Variants in SSX5 observed in about 807,000 individuals in gnomAD.
SSX5 encodes SSX family member 5.
Under a neutral mutation model 14.9 loss-of-function variants are expected in SSX5, and 14 were observed. The observed-to-expected ratio is 0.94, with a 90% confidence interval of 0.62 to 1.47. The LOEUF is 1.47. SSX5 is among the 40% of genes most tolerant of loss of function. The probability of loss-of-function intolerance (pLI) is 0.00; values close to 1 mark genes in which losing one functional copy is unlikely to be tolerated. For synonymous variants in SSX5, 70 were observed against 55.4 expected (o/e 1.26, Z -1.17); for missense variants, 204 against 154.6 (o/e 1.32, Z -1.70).
intron 6 of SSX5, among the ~76,000 whole-genome samples, chrX:48,189,692 G>A (rs1202844462): frequency 2.7e-5 from 3 of 111,856 alleles, no homozygotes; most frequent in South Asian, 3.7e-4. Context: ...TCACTTTATC[G>A]CAGTGGTCTG....
chrX:48,191,783 C>T (rs1310264700), intron 5 of SSX5, among the ~76,000 whole-genome samples: 2 of 112,058 alleles, frequency 1.8e-5, no homozygotes, highest in Admixed American at 9.5e-5. Context: ...TCTCTATACC[C>T]GGATAGCCTC....
intron 7 of SSX5, among the ~76,000 whole-genome samples, chrX:48,187,321 G>C (rs1556923971): frequency 9.0e-6 from 1 of 110,730 alleles, no homozygotes; most frequent in Non-Finnish European, 1.9e-5. Context: ...TTACCCGGTC[G>C]TGGTGGCGGG....
chrX:48,189,804 C>G lies in SSX5; in HGVS notation c.466+329G>C, dbSNP rs2059412771. ...GTAATCACAGATGGAATTGCTTCAG[C>G]ACCTTTCATGTCATCAGGCCTTCTA... On this transcript the variant is annotated intron_variant, in intron 6 of 7. Coordinates refer to ENST00000347757, the MANE Select transcript of SSX5 (RefSeq NM_175723.2). Among the ~76,000 whole-genome samples the G allele has an allele frequency of 4.5e-5, 5 of 112,046 alleles. No individual in the cohort carries two copies. In the Admixed American group the frequency reaches 4.8e-4, roughly 11 times the overall value.
chrX:48,189,173 C>G (rs1556924321), intron 6 of SSX5, among the ~76,000 whole-genome samples: 1 of 112,208 alleles, frequency 8.9e-6, no homozygotes, highest in African/African-American at 3.2e-5. Context: ...TCCGGAAGAT[C>G]TAGCTAAGAT....
intron 4 of SSX5, among the ~76,000 whole-genome samples, chrX:48,192,614 T>C (rs2059424569): frequency 8.9e-6 from 1 of 112,595 alleles, no homozygotes; most frequent in Non-Finnish European, 1.9e-5. Context: ...GTACAACAAC[T>C]GAAAATCATT....
intron 7 of SSX5, 101 bp downstream of exon 7, chrX:48,187,526 A>C: frequency 1.0e-6 from 1 of 998,328 alleles, no homozygotes; most frequent in Non-Finnish European, 1.4e-6. Context: ...AAATTATGAG[A>C]AGGGAATGAT....
chrX:48,187,232 G>GATC (rs2059401751), intron 7 of SSX5, among the ~76,000 whole-genome samples: 1 of 110,932 alleles, frequency 9.0e-6, no homozygotes, highest in Non-Finnish European at 1.9e-5. Flanking sequence ...GAGGCAGATG[G>GATC]ATCACGAGGT....
chrX:48,192,106 G>C (rs2059422308), intron 5 of SSX5, 126 bp downstream of exon 5: 1 of 1,068,496 alleles, frequency 9.4e-7, no homozygotes, highest in Non-Finnish European at 1.3e-6. Flanking sequence ...TGCTACATCA[G>C]GTGTTGTGAT....
At position 48,195,367 on chromosome X, in the gene SSX5, G is replaced by A; in HGVS notation, c.-9C>T. On this transcript the variant is annotated 5_prime_UTR_variant, in exon 2 of 8. Transcript: ENST00000347757. ...GCATCGTCTCCGTTCATGGCACCGG[G>A]AGCACTCTGTCCTACAAGAGAAACA... 1 of 1,210,529 alleles carries A rather than the reference G, an allele frequency of 8.3e-7. No individual in the cohort carries two copies. Among genetic ancestry groups the A allele is most frequent in the East Asian group, 3.0e-5 (1 of 33,855 alleles).
intron 4 of SSX5, among the ~76,000 whole-genome samples, chrX:48,192,573 G>C (rs1219366472): frequency 1.8e-5 from 2 of 112,105 alleles, no homozygotes; most frequent in Non-Finnish European, 3.8e-5. Flanking sequence ...AAATTGATTG[G>C]TTGGGAATCT....
At chrX:48,192,698 A>G (rs1320077946) in intron 4 of SSX5, among the ~76,000 whole-genome samples, 3 of 112,459 alleles carry the variant, frequency 2.7e-5, no homozygotes, top group South Asian at 3.7e-4. Flanking sequence ...TGGATGATTT[A>G]GTCCAGTGGC....
chrX:48,194,372 C>G, intron 3 of SSX5, 148 bp from the exon 4 acceptor site: 2 of 581,220 alleles, frequency 3.4e-6, no homozygotes, highest in Non-Finnish European at 2.8e-6. Flanking sequence ...TATGATTGCA[C>G]TACTGCACTC....
In SSX5 at chrX:48,190,237, T is replaced by C. The variant is rs1556924534; in HGVS notation, c.362A>G (p.Asn121Ser). ...ITPEKPAEEG[N>S]DSKGVPEASG... Reference sequence around the variant, plus strand: ...TGCTTCTGGCACTCCCTTCGAATCATTTCCTTCCTCTGCTGGCTTCTCGGG... The same window carrying C: ...TGCTTCTGGCACTCCCTTCGAATCACTTCCTTCCTCTGCTGGCTTCTCGGG... The change falls in exon 6 of 8, where the codon AAT becomes AGT. Residue 121 changes from asparagine (N) to serine (S), a missense_variant. By Grantham distance (46) the Asn-to-Ser change is conservative. Coordinates refer to ENST00000347757, the MANE Select transcript of SSX5 (RefSeq NM_175723.2). 2.5e-6 allele frequency: 3 copies of C among 1,206,604 alleles called. No individual in the cohort carries two copies. The highest frequency in any genetic ancestry group is 2.3e-4 in the Middle Eastern group (1 of 4,311).
Position 48,187,639 on chromosome X carries a change from C to G in SSX5, c.559G>C (p.Asp187His). 1 of 1,209,338 alleles carries G rather than the reference C, an allele frequency of 8.3e-7. No homozygotes were observed. Reference sequence around the variant, plus strand: ...AAGGTTCACTTACGGAGTTACTCGTCATCTTCCTGAGGGTCGCTGATCTCT... The same window carrying G: ...AAGGTTCACTTACGGAGTTACTCGTGATCTTCCTGAGGGTCGCTGATCTCT... ...YEEISDPQED[D>H]E The change falls in exon 7 of 8, where the codon GAC becomes CAC. Residue 187 changes from aspartate to histidine, a missense_variant. Physicochemically the swap from Asp to His is moderately conservative, Grantham distance 81. Transcript: ENST00000347757.
intron 2 of SSX5, 101 bp from the exon 3 acceptor site, chrX:48,194,955 T>C: frequency 1.7e-6 from 2 of 1,210,506 alleles, no homozygotes; most frequent in Non-Finnish European, 2.2e-6. Context: ...GTAGGGATGA[T>C]AATCCGTCCT....
chrX:48,190,106 G>A (rs370023985), intron 6 of SSX5, 27 bp downstream of exon 6: 47 of 1,206,006 alleles, frequency 3.9e-5, no homozygotes, highest in Non-Finnish European at 4.9e-5. Flanking sequence ...AAGCCAGAGT[G>A]GTTGTTCCCA....
intron 6 of SSX5, 61 bp downstream of exon 6, chrX:48,190,072 C>A: frequency 8.4e-7 from 1 of 1,190,982 alleles, no homozygotes; most frequent in Non-Finnish European, 1.1e-6. Context: ...CACACCCAGT[C>A]CACACACCTG....
intron 1 of SSX5, among the ~76,000 whole-genome samples, chrX:48,196,332 C>T (rs1396434158): frequency 9.1e-6 from 1 of 109,623 alleles, no homozygotes; most frequent in Non-Finnish European, 1.9e-5. Context: ...GTCCCAAGGC[C>T]TAGGCAACAG....
chrX:48,191,058 C>T (rs143476124), intron 5 of SSX5, among the ~76,000 whole-genome samples: 292 of 110,129 alleles, frequency 2.7e-3, no homozygotes, highest in African/African-American at 9.3e-3. Context: ...GCAGGCACTA[C>T]CACGCCCCGC....
Sources: gnomAD v4.1 joint callset for allele counts (sites outside exome capture counted in the v4.1 genomes callset) on GRCh38, gnomAD v4.1.1 for gene constraint, MANE v1.5 for transcripts, NCBI Gene and HGNC (gene_info 2026-07-23, HGNC 2026-07-21) for gene names.